The following CFAP91 variants were observed in gnomAD, a reference collection of about 807,000 sequenced individuals.
The protein encoded by CFAP91 is cilia- and flagella-associated protein 91.
CFAP91 carries 85 observed loss-of-function variants against 95.9 expected under a neutral mutation model. That is an observed-to-expected ratio of 0.89 (90% CI 0.74 to 1.06). The LOEUF is 1.06. Among genes scored for constraint, CFAP91 ranks in the 50% least tolerant of loss-of-function variants. The pLI, the probability that CFAP91 is intolerant of heterozygous loss-of-function variation, is 0.00. For synonymous variants in CFAP91, 335 were observed against 327.5 expected (o/e 1.02, Z -0.25); for missense variants, 962 against 943.4 (o/e 1.02, Z -0.26).
chr3:119,733,107 T>G (rs2053934809), intron 9 of CFAP91, among the ~76,000 whole-genome samples: 1 of 152,236 alleles, frequency 6.6e-6, no homozygotes, highest in Non-Finnish European at 1.5e-5. Flanking sequence ...TATTGTGGAA[T>G]TGCTACTTTT....
At chr3:119,717,702 T>C (rs900151810) in intron 6 of CFAP91, among the ~76,000 whole-genome samples, 3 of 152,150 alleles carry the variant, frequency 2.0e-5, no homozygotes, top group African/African-American at 7.2e-5. Context: ...CCACCCTGGC[T>C]CTGCTCTACA....
chr3:119,740,782 T>C (rs1263047086), intron 13 of CFAP91, 87 bp downstream of exon 13: 1 of 1,446,628 alleles, frequency 6.9e-7, no homozygotes, highest in Non-Finnish European at 9.5e-7. Context: ...TAATAAAAAT[T>C]AATGAAATGA....
intron 8 of CFAP91, among the ~76,000 whole-genome samples, chr3:119,730,600 TAGTGTG>T (rs931057346): frequency 2.1e-5 from 2 of 95,462 alleles, no homozygotes; most frequent in South Asian, 4.5e-4. Flanking sequence ...GTTACTGAGA[TAGTGTG>T]TGTGTGTGTG....
intron 17 of CFAP91, among the ~76,000 whole-genome samples, chr3:119,763,243 G>A (rs13318819): frequency 0.016 from 2,419 of 152,044 alleles, 60 homozygotes; most frequent in African/African-American, 0.055. Flanking sequence ...CTAATCGTTC[G>A]AGAAATGCAA....
At chr3:119,761,089 C>T (rs567358065) in intron 17 of CFAP91, among the ~76,000 whole-genome samples, 3 of 149,464 alleles carry the variant, frequency 2.0e-5, no homozygotes, top group East Asian at 3.9e-4. Context: ...AACTAAAATT[C>T]GGTATTTTGA....
At chr3:119,749,979 T>C (rs1471047133) in intron 16 of CFAP91, among the ~76,000 whole-genome samples, 1 of 152,226 alleles carries the variant, frequency 6.6e-6, no homozygotes, top group African/African-American at 2.4e-5. Context: ...TGTAGGTATA[T>C]TCTCATTTTT....
intron 5 of CFAP91, among the ~76,000 whole-genome samples, chr3:119,714,621 T>G (rs2053541197): frequency 6.6e-6 from 1 of 152,194 alleles, no homozygotes; most frequent in Admixed American, 6.5e-5. Flanking sequence ...GTTAGAAGTT[T>G]TACTTTTTGT....
chr3:119,746,471 T>C (rs2054220594), intron 14 of CFAP91, among the ~76,000 whole-genome samples: 2 of 152,234 alleles, frequency 1.3e-5, no homozygotes, highest in Admixed American at 1.3e-4. Flanking sequence ...AGCTTTCTGC[T>C]CTTCTGCTCC....
chr3:119,758,413 TAAAAC>T (rs932475871), intron 17 of CFAP91, among the ~76,000 whole-genome samples: 2 of 152,216 alleles, frequency 1.3e-5, no homozygotes, highest in Non-Finnish European at 2.9e-5. Context: ...TATGAAAAGT[TAAAAC>T]AAGAAGGAAG....
intron 10 of CFAP91, among the ~76,000 whole-genome samples, chr3:119,736,736 A>G (rs2054016616): frequency 6.6e-6 from 1 of 152,088 alleles, no homozygotes; most frequent in Non-Finnish European, 1.5e-5. Flanking sequence ...TTTTTTTATG[A>G]TTGTGTAACA....
rs1430449495 is a variant in CFAP91 at position 119,766,551 on chromosome 3, G to A, written c.*1501G>A. ...ATCGAGAACACAAAATGACAAGTGA[G>A]TTAGGTTGGGCTGATGGGATAGAAG... On this transcript the variant is annotated 3_prime_UTR_variant, in exon 18 of 18. Transcript: ENST00000273390. 2.6e-5 allele frequency: 4 copies of A among 152,140 alleles called. No individual in the cohort carries two copies. Among genetic ancestry groups the A allele is most frequent in the Admixed American group, 1.3e-4 (2 of 15,260 alleles). The allele number at this position is 152,140 out of a possible 1,614,324, so 9.4% of individuals were successfully genotyped here. A position where few individuals can be genotyped will look rare whatever the true frequency, so the allele number is the denominator to read the frequency against.
At chr3:119,737,630 ACAT>A in intron 11 of CFAP91, 148 bp downstream of exon 11, 6 of 489,754 alleles carry the variant, frequency 1.2e-5, no homozygotes, top group Non-Finnish European at 2.2e-5. Context: ...TATGTATCAA[ACAT>A]CAGACACAGA....
chr3:119,708,767 C>T (rs2053421482), intron 4 of CFAP91, 93 bp downstream of exon 4: 1 of 753,746 alleles, frequency 1.3e-6, no homozygotes, highest in Non-Finnish European at 2.2e-6. Flanking sequence ...TCAGTGCATA[C>T]AACGTGCCAG....
chr3:119,739,151 C>T, intron 11 of CFAP91, 104 bp from the exon 12 acceptor site: 1 of 864,806 alleles, frequency 1.2e-6, no homozygotes, highest in Non-Finnish European at 1.9e-6. Flanking sequence ...ATCTTTTTGG[C>T]ATCTAGCACA....
intron 5 of CFAP91, 29 bp downstream of exon 5, chr3:119,709,924 T>C (rs1359316928): frequency 6.6e-7 from 1 of 1,513,100 alleles, no homozygotes; most frequent in Non-Finnish European, 9.2e-7. Context: ...AAAACTCTTT[T>C]TCAGTTTATT....
intron 17 of CFAP91, among the ~76,000 whole-genome samples, chr3:119,764,239 C>T (rs2054590686): frequency 6.6e-6 from 1 of 152,068 alleles, no homozygotes; most frequent in South Asian, 2.1e-4. Context: ...ACAATTGTTC[C>T]ATGGATAACT....
chr3:119,718,955 A>T (rs572840446), intron 6 of CFAP91, among the ~76,000 whole-genome samples: 47 of 152,300 alleles, frequency 3.1e-4, no homozygotes, highest in African/African-American at 1.1e-3. Context: ...GGAAATGCAT[A>T]GGAGTGTTCA....
intron 17 of CFAP91, among the ~76,000 whole-genome samples, chr3:119,764,744 A>AAAAG (rs1242360889): frequency 7.9e-5 from 12 of 152,108 alleles, no homozygotes; most frequent in African/African-American, 2.9e-4. Flanking sequence ...ACACCAGGGG[A>AAAAG]AAAGAGATTT....
chr3:119,726,483 T>C (rs1559755058), intron 7 of CFAP91, 135 bp downstream of exon 7: 1 of 788,594 alleles, frequency 1.3e-6, no homozygotes, highest in African/African-American at 1.8e-5. Context: ...AAATTGGGCA[T>C]CCGGTTCTTT....
Sources: gnomAD v4.1 joint callset for allele counts (sites outside exome capture counted in the v4.1 genomes callset) on GRCh38, gnomAD v4.1.1 for gene constraint, MANE v1.5 for transcripts, NCBI Gene and HGNC (gene_info 2026-07-23, HGNC 2026-07-21) for gene names.